The following SLC44A1 variants were observed in gnomAD, a reference collection of about 807,000 sequenced individuals.
SLC44A1 encodes choline transporter-like protein 1.
In SLC44A1, 26 loss-of-function variants were observed where a neutral mutation model predicts 79.3. That is an observed-to-expected ratio of 0.33 (90% CI 0.24 to 0.46). SLC44A1 has a LOEUF of 0.46. SLC44A1 is among the 20% of genes least tolerant of loss of function. SLC44A1 has a pLI of 1.00. For synonymous variants in SLC44A1, 263 were observed against 286.2 expected, an observed-to-expected ratio of 0.92 and a Z score of 0.82; for missense variants, 688 against 798.1, an observed-to-expected ratio of 0.86 and a Z score of 1.66.
intron 15 of SLC44A1, among the ~76,000 whole-genome samples, chr9:105,429,720 A>G (rs1294990906): frequency 6.6e-6 from 1 of 152,180 alleles, no homozygotes; most frequent in African/African-American, 2.4e-5. Context: ...ATCATCCAAG[A>G]TTTAGAATTT....
At chr9:105,326,099 C>G (rs1826568658) in intron 3 of SLC44A1, among the ~76,000 whole-genome samples, 1 of 152,152 alleles carries the variant, frequency 6.6e-6, no homozygotes, top group Non-Finnish European at 1.5e-5. Flanking sequence ...CCAGGCAGGT[C>G]TTGCTTTGTC....
intron 11 of SLC44A1, 146 bp downstream of exon 11, chr9:105,365,785 C>G: frequency 1.3e-6 from 1 of 782,272 alleles, no homozygotes; most frequent in Admixed American, 2.5e-5. Flanking sequence ...TCTCCCTTGT[C>G]TCCCACTCAT....
chr9:105,349,574 C>G (rs1827341275), intron 5 of SLC44A1, among the ~76,000 whole-genome samples: 1 of 151,996 alleles, frequency 6.6e-6, no homozygotes, highest in Admixed American at 6.6e-5. Flanking sequence ...CAAATTATGG[C>G]CTTAAACCAA....
intron 15 of SLC44A1, among the ~76,000 whole-genome samples, chr9:105,435,585 T>C (rs4394455): frequency 0.13 from 19,159 of 152,188 alleles, 3,165 homozygotes; most frequent in African/African-American, 0.39. Flanking sequence ...GCTGCAAAGT[T>C]GGTTAATCAG....
At chr9:105,300,956 G>GAA (rs1312196554) in intron 2 of SLC44A1, among the ~76,000 whole-genome samples, 2 of 151,950 alleles carry the variant, frequency 1.3e-5, no homozygotes, top group Non-Finnish European at 2.9e-5. Flanking sequence ...TGAATTTTTA[G>GAA]ATGGGGTTTC....
At chr9:105,333,832 T>C (rs1826828186) in intron 3 of SLC44A1, among the ~76,000 whole-genome samples, 1 of 151,774 alleles carries the variant, frequency 6.6e-6, no homozygotes, top group Admixed American at 6.6e-5. Context: ...AGAAGTATTC[T>C]TAGTAGTGAT....
chr9:105,387,367 G>A (rs1828661044), intron 15 of SLC44A1, among the ~76,000 whole-genome samples: 1 of 152,002 alleles, frequency 6.6e-6, no homozygotes, highest in South Asian at 2.1e-4. Context: ...GCATCACCTA[G>A]ACATGATTGC....
intron 15 of SLC44A1, among the ~76,000 whole-genome samples, chr9:105,387,060 A>AAATATATAT (rs34780893): frequency 1.3e-3 from 10 of 7,734 alleles, no homozygotes; most frequent in African/African-American, 4.1e-3. Context: ...AAAAAAAAAA[A>AAATATATAT]ATATATATAT....
chr9:105,343,959 T>G (rs892762493), intron 4 of SLC44A1, among the ~76,000 whole-genome samples: 2 of 152,226 alleles, frequency 1.3e-5, no homozygotes, highest in African/African-American at 4.8e-5. Context: ...AGGTGGATGC[T>G]TCTTGGGAAT....
intron 1 of SLC44A1, among the ~76,000 whole-genome samples, chr9:105,273,728 G>A (rs538115110): frequency 9.2e-5 from 14 of 151,932 alleles, no homozygotes; most frequent in African/African-American, 3.4e-4. Context: ...TCATACCATT[G>A]TACATAGCCG....
At chr9:105,412,359 C>T (rs1184148392) in intron 15 of SLC44A1, among the ~76,000 whole-genome samples, 1 of 152,174 alleles carries the variant, frequency 6.6e-6, no homozygotes, top group African/African-American at 2.4e-5. Context: ...GGCTCCTGTA[C>T]TTTTGATCTG....
At position 105,389,943 on chromosome 9, in the gene SLC44A1, A is replaced by C; in HGVS notation, c.*887A>C. The C allele has an allele frequency of 4.0e-6, 6 of 1,511,554 alleles. No individual in the cohort carries two copies. Among genetic ancestry groups the C allele is most frequent in the Non-Finnish European group, 5.3e-6 (6 of 1,131,308 alleles). 93.6% of individuals were successfully genotyped at this position (1,511,554 alleles called of 1,614,324 possible). On this transcript the variant is annotated 3_prime_UTR_variant, in exon 16 of 16. Coordinates refer to ENST00000374720, the MANE Select transcript of SLC44A1 (RefSeq NM_080546.5). The stretch of plus-strand genomic sequence containing the variant: ...GGAGGAATAAAGAAGGGACAGAAAC[A>C]TGGAACATAAAGCATTGAAAATTCC...
At chr9:105,295,041 A>G (rs1032391819) in intron 1 of SLC44A1, among the ~76,000 whole-genome samples, 1 of 151,814 alleles carries the variant, frequency 6.6e-6, no homozygotes, top group African/African-American at 2.4e-5. Flanking sequence ...GTTTGTTTTT[A>G]GTATCCCTGG....
intron 12 of SLC44A1, 66 bp from the exon 13 acceptor site, chr9:105,374,532 T>G (rs1418289810): frequency 1.3e-6 from 2 of 1,507,782 alleles, no homozygotes; most frequent in Admixed American, 3.7e-5. Context: ...TTAGCTATGC[T>G]CAGTTTCTAT....
At chr9:105,433,163 G>C (rs1051495895) in intron 15 of SLC44A1, among the ~76,000 whole-genome samples, 1 of 152,092 alleles carries the variant, frequency 6.6e-6, no homozygotes, top group African/African-American at 2.4e-5. Flanking sequence ...GGGTATGGTA[G>C]TGTGCGCCTG....
intron 1 of SLC44A1, among the ~76,000 whole-genome samples, chr9:105,263,345 C>T (rs1829883983): frequency 6.6e-6 from 1 of 152,138 alleles, no homozygotes; most frequent in Non-Finnish European, 1.5e-5. Context: ...GAATAAAAAA[C>T]CGAAATTGGC....
At chr9:105,250,956 T>C (rs949933947) in intron 1 of SLC44A1, among the ~76,000 whole-genome samples, 1 of 152,160 alleles carries the variant, frequency 6.6e-6, no homozygotes, top group Admixed American at 6.5e-5. Flanking sequence ...ATCAAAACTT[T>C]TAAAAGTTCC....
At chr9:105,374,762 A>G in intron 13 of SLC44A1, 27 bp downstream of exon 13, 1 of 1,552,182 alleles carries the variant, frequency 6.4e-7, no homozygotes, top group Non-Finnish European at 8.8e-7. Context: ...TTTCTGCAAC[A>G]TACAGTAAAA....
intron 3 of SLC44A1, among the ~76,000 whole-genome samples, chr9:105,323,696 A>G (rs990349769): frequency 4.3e-4 from 65 of 152,318 alleles, no homozygotes; most frequent in African/African-American, 1.4e-3. Context: ...TGTTAAATTT[A>G]TGTAGTTTAC....
Sources: allele counts gnomAD v4.1 joint callset (sites outside exome capture counted in the v4.1 genomes callset), GRCh38; gene constraint gnomAD v4.1.1; transcripts MANE v1.5; gene names NCBI Gene and HGNC (gene_info 2026-07-23, HGNC 2026-07-21).